SAMTOR: variants seen among roughly 807,000 people sequenced by gnomAD.
SAMTOR encodes the protein UPF0532 protein C7orf60.
At chr7:112,924,054 G>T in the SAMTOR span, among the ~76,000 whole-genome samples, 1 of 149,032 alleles carries the variant, frequency 6.7e-6, no homozygotes, top group Non-Finnish European at 1.5e-5. Flanking sequence ...GGGGTGGCGG[G>T]AGGGGGGAGG....
At chr7:112,862,695 A>C in the SAMTOR span, among the ~76,000 whole-genome samples, 3 of 152,132 alleles carry the variant, frequency 2.0e-5, no homozygotes, top group Admixed American at 6.6e-5. Flanking sequence ...TTGGGAGGCC[A>C]AGGTGGGTGG....
chr7:112,862,669 C>A, the SAMTOR span, among the ~76,000 whole-genome samples: 1 of 152,250 alleles, frequency 6.6e-6, no homozygotes, highest in East Asian at 1.9e-4. Flanking sequence ...TGGCTCATGC[C>A]TGTAATCTCA....
the SAMTOR span, chr7:112,939,460 A>G: frequency 8.5e-6 from 12 of 1,411,766 alleles, no homozygotes; most frequent in East Asian, 5.0e-5. Context: ...GGCCCGGGAG[A>G]GCAGCAGCGG....
At chr7:112,867,396 ATAAT>A in the SAMTOR span, among the ~76,000 whole-genome samples, 1,623 of 152,358 alleles carry the variant, frequency 0.011, 30 homozygotes, top group African/African-American at 0.037. Flanking sequence ...AGCATGAGGC[ATAAT>A]TAATAATTTT....
chr7:112,846,667 A>G, the SAMTOR span, among the ~76,000 whole-genome samples: 1 of 152,188 alleles, frequency 6.6e-6, no homozygotes, highest in Non-Finnish European at 1.5e-5. Flanking sequence ...TAGGGAACCT[A>G]CGGTGATGAG....
the SAMTOR span, among the ~76,000 whole-genome samples, chr7:112,935,478 A>C: frequency 6.6e-6 from 1 of 152,166 alleles, no homozygotes; most frequent in African/African-American, 2.4e-5. Context: ...AATCACAAAT[A>C]TATTTTTCAG....
chr7:112,907,484 A>G, the SAMTOR span, among the ~76,000 whole-genome samples: 1 of 152,290 alleles, frequency 6.6e-6, no homozygotes, highest in South Asian at 2.1e-4. Flanking sequence ...GCAATAAAAC[A>G]GAAGACTGAT....
chr7:112,919,149 T>C, the SAMTOR span, among the ~76,000 whole-genome samples: 1 of 152,130 alleles, frequency 6.6e-6, no homozygotes, highest in Non-Finnish European at 1.5e-5. Context: ...ATATACATTT[T>C]TTTCAGCACC....
the SAMTOR span, among the ~76,000 whole-genome samples, chr7:112,856,442 G>A: frequency 6.6e-6 from 1 of 151,796 alleles, no homozygotes; most frequent in Admixed American, 6.6e-5. Flanking sequence ...TAGAGATGGG[G>A]TTTCACCTTA....
chr7:112,856,125 G>A, the SAMTOR span, among the ~76,000 whole-genome samples: 7 of 152,042 alleles, frequency 4.6e-5, no homozygotes, highest in Non-Finnish European at 8.8e-5. Flanking sequence ...CAGAAATTCA[G>A]TTAAATGAAT....
At chr7:112,884,066 G>T in the SAMTOR span, among the ~76,000 whole-genome samples, 1 of 152,154 alleles carries the variant, frequency 6.6e-6, no homozygotes, top group African/African-American at 2.4e-5. Context: ...TGCAGAGCAA[G>T]GAGTTTTATA....
chr7:112,889,340 G>C, the SAMTOR span, among the ~76,000 whole-genome samples: 1 of 152,168 alleles, frequency 6.6e-6, no homozygotes. Context: ...TTCAAATATA[G>C]TCTAACATAA....
the SAMTOR span, among the ~76,000 whole-genome samples, chr7:112,833,742 C>G: frequency 1.3e-5 from 2 of 152,146 alleles, no homozygotes; most frequent in Non-Finnish European, 2.9e-5. Flanking sequence ...ATAACTTAAT[C>G]ATATCATGGA....
chr7:112,923,395 T>C, the SAMTOR span, among the ~76,000 whole-genome samples: 1 of 152,032 alleles, frequency 6.6e-6, no homozygotes, highest in Non-Finnish European at 1.5e-5. Flanking sequence ...TTCACTTGTT[T>C]ATCTGCTGAC....
the SAMTOR span, among the ~76,000 whole-genome samples, chr7:112,887,834 C>T: frequency 4.0e-4 from 61 of 152,054 alleles, no homozygotes; most frequent in Non-Finnish European, 4.7e-4. Flanking sequence ...TATCCTATCT[C>T]TTTTCGTTGG....
At chr7:112,929,415 C>T in the SAMTOR span, among the ~76,000 whole-genome samples, 2 of 151,896 alleles carry the variant, frequency 1.3e-5, no homozygotes, top group African/African-American at 2.4e-5. Context: ...GTTAGGATGG[C>T]TATTATCAAA....
At chr7:112,852,131 T>G in the SAMTOR span, among the ~76,000 whole-genome samples, 1 of 152,086 alleles carries the variant, frequency 6.6e-6, no homozygotes, top group Non-Finnish European at 1.5e-5. Context: ...GAAAAGAAAT[T>G]ATATATAAAG....
chr7:112,829,070 T>C, the SAMTOR span, among the ~76,000 whole-genome samples: 1 of 152,188 alleles, frequency 6.6e-6, no homozygotes, highest in Non-Finnish European at 1.5e-5. Flanking sequence ...TGGAAAGTTT[T>C]TGGCCATTTT....
At chr7:112,839,916 T>C in the SAMTOR span, among the ~76,000 whole-genome samples, 1 of 151,906 alleles carries the variant, frequency 6.6e-6, no homozygotes, top group Non-Finnish European at 1.5e-5. Flanking sequence ...TAAAGCCTCA[T>C]GTTTTGGATA....
Sources: allele counts gnomAD v4.1 joint callset (sites outside exome capture counted in the v4.1 genomes callset), GRCh38; gene constraint gnomAD v4.1.1; transcripts MANE v1.5; gene names NCBI Gene and HGNC (gene_info 2026-07-23, HGNC 2026-07-21).